HSD17B12: variants seen among roughly 807,000 people sequenced by gnomAD.
The protein encoded by HSD17B12 is very-long-chain 3-oxoacyl-CoA reductase.
HSD17B12 carries 32 observed loss-of-function variants against 39.3 expected under a neutral mutation model. The ratio of observed to expected loss-of-function variants is 0.81; its 90% CI spans 0.61 to 1.09. The LOEUF (loss-of-function observed/expected upper bound fraction) is 1.09, where lower values mean the gene tolerates loss of function less well. Ranked by LOEUF, HSD17B12 falls within the 50% of genes least tolerant of loss-of-function variation. The pLI, the probability that HSD17B12 is intolerant of heterozygous loss-of-function variation, is 0.00. For missense variants in HSD17B12, 342 were observed against 382.9 expected, an observed-to-expected ratio of 0.89 and a Z score of 0.89; for synonymous variants, 150 against 146.7, an observed-to-expected ratio of 1.02 and a Z score of -0.16.
chr11:43,585,104 G>A, the HSD17B12 span, among the ~76,000 whole-genome samples: 1 of 152,186 alleles, frequency 6.6e-6, no homozygotes, highest in Non-Finnish European at 1.5e-5. Flanking sequence ...TTTCTCTGAG[G>A]ACACCAAACG....
chr11:43,775,484 ATT>A (rs146985020), intron 3 of HSD17B12, among the ~76,000 whole-genome samples: 1 of 150,626 alleles, frequency 6.6e-6, no homozygotes, highest in Non-Finnish European at 1.5e-5. Flanking sequence ...AATTTTAAGA[ATT>A]TTTTTTTTAA....
intron 6 of HSD17B12, among the ~76,000 whole-genome samples, chr11:43,821,699 C>T (rs1951184713): frequency 6.6e-6 from 1 of 152,168 alleles, no homozygotes; most frequent in African/African-American, 2.4e-5. Flanking sequence ...GCCGCGTCTC[C>T]AGAGGCAGAC....
chr11:43,723,900 C>T (rs1397902987), intron 1 of HSD17B12: 1 of 152,146 alleles, frequency 6.6e-6, no homozygotes, highest in Non-Finnish European at 1.5e-5. Flanking sequence ...TTCTTTGTCT[C>T]ATTTTCCCTC....
At chr11:43,606,717 A>T in the HSD17B12 span, among the ~76,000 whole-genome samples, 2 of 152,182 alleles carry the variant, frequency 1.3e-5, no homozygotes, top group Non-Finnish European at 2.9e-5. Context: ...CCATATCCCC[A>T]TTGATTCTTT....
At chr11:43,570,488 T>C in the HSD17B12 span, 1 of 152,390 alleles carries the variant, frequency 6.6e-6, no homozygotes, top group African/African-American at 2.4e-5. Context: ...GATGGTGAGG[T>C]AAGTGGCATT....
At chr11:43,789,952 C>G (rs187274673) in intron 3 of HSD17B12, among the ~76,000 whole-genome samples, 4 of 152,170 alleles carry the variant, frequency 2.6e-5, no homozygotes, top group Admixed American at 6.5e-5. Context: ...GCCTCCCCCC[C>G]GCAAAAAAGA....
the HSD17B12 span, among the ~76,000 whole-genome samples, chr11:43,655,589 T>C: frequency 6.6e-6 from 1 of 152,204 alleles, no homozygotes; most frequent in African/African-American, 2.4e-5. Context: ...CATCAATACC[T>C]AATTTATTGA....
the HSD17B12 span, among the ~76,000 whole-genome samples, chr11:43,569,149 C>T: frequency 3.3e-5 from 5 of 152,202 alleles, no homozygotes; most frequent in South Asian, 2.1e-4. Context: ...GGCTGGGGTT[C>T]GGGTCTCCAA....
chr11:43,766,432 A>T (rs1950596295), intron 3 of HSD17B12, among the ~76,000 whole-genome samples: 1 of 152,092 alleles, frequency 6.6e-6, no homozygotes, highest in Non-Finnish European at 1.5e-5. Context: ...TATTTTGTCC[A>T]TTTTTGTTCA....
At chr11:43,586,827 T>C in the HSD17B12 span, among the ~76,000 whole-genome samples, 1 of 152,248 alleles carries the variant, frequency 6.6e-6, no homozygotes, top group Non-Finnish European at 1.5e-5. Flanking sequence ...CTGTGCATGC[T>C]ATCACAAATA....
At chr11:43,749,643 T>C (rs1950447059) in intron 1 of HSD17B12, among the ~76,000 whole-genome samples, 1 of 151,848 alleles carries the variant, frequency 6.6e-6, no homozygotes, top group Non-Finnish European at 1.5e-5. Context: ...TTTTTCTTTT[T>C]TTTTTTTAAT....
At chr11:43,786,128 C>T (rs969753998) in intron 3 of HSD17B12, among the ~76,000 whole-genome samples, 5 of 152,094 alleles carry the variant, frequency 3.3e-5, no homozygotes, top group South Asian at 2.1e-4. Flanking sequence ...AAATAAGCAT[C>T]GTTTTTCTGT....
At chr11:43,673,159 G>C in the HSD17B12 span, 1 of 152,038 alleles carries the variant, frequency 6.6e-6, no homozygotes, top group Non-Finnish European at 1.5e-5. Context: ...ATAATTCCTC[G>C]CTTCTATGAA....
chr11:43,671,463 G>T, the HSD17B12 span, among the ~76,000 whole-genome samples: 1 of 152,244 alleles, frequency 6.6e-6, no homozygotes, highest in Non-Finnish European at 1.5e-5. Flanking sequence ...TTACAGGCAT[G>T]AGCCATCGCA....
the HSD17B12 span, among the ~76,000 whole-genome samples, chr11:43,568,067 C>A: frequency 5.9e-5 from 9 of 151,928 alleles, no homozygotes; most frequent in African/African-American, 2.2e-4. Context: ...GAATCTCAGC[C>A]CTGTTTGTTT....
chr11:43,767,986 T>G (rs1950611097), intron 3 of HSD17B12, among the ~76,000 whole-genome samples: 1 of 152,242 alleles, frequency 6.6e-6, no homozygotes, highest in Non-Finnish European at 1.5e-5. Context: ...AAAAGGCATC[T>G]CTGTTTAGGA....
upstream of HSD17B12, among the ~76,000 whole-genome samples, chr11:43,678,916 G>A (rs1297994106): frequency 3.3e-5 from 5 of 152,108 alleles, no homozygotes; most frequent in Admixed American, 1.3e-4. Flanking sequence ...TTGGCAATGC[G>A]GGCTCTTTTT....
intron 1 of HSD17B12, among the ~76,000 whole-genome samples, chr11:43,689,757 C>G (rs1480518821): frequency 6.6e-6 from 1 of 152,012 alleles, no homozygotes; most frequent in Non-Finnish European, 1.5e-5. Flanking sequence ...CCATACTGAC[C>G]AGGCTGGTTT....
intron 6 of HSD17B12, among the ~76,000 whole-genome samples, chr11:43,826,463 CTTTG>C (rs1951241797): frequency 6.6e-6 from 1 of 152,012 alleles, no homozygotes. Flanking sequence ...GCATGGAGCT[CTTTG>C]TTCTGAAAAG....
Sources: allele counts gnomAD v4.1 joint callset (sites outside exome capture counted in the v4.1 genomes callset), GRCh38; gene constraint gnomAD v4.1.1; transcripts MANE v1.5; gene names NCBI Gene and HGNC (gene_info 2026-07-23, HGNC 2026-07-21).